KCTD8: variants seen among roughly 807,000 people sequenced by gnomAD.
KCTD8 encodes potassium channel tetramerization domain containing 8.
Under a neutral mutation model 31.5 loss-of-function variants are expected in KCTD8, and 27 were observed. The observed-to-expected ratio is 0.86, with a 90% CI of 0.63 to 1.18. The LOEUF is 1.18. KCTD8 is among the 50% of genes most tolerant of loss of function. KCTD8 has a pLI of 0.00. For synonymous variants in KCTD8, 290 were observed against 280.0 expected, an observed-to-expected ratio of 1.04 and a Z score of -0.36; for missense variants, 658 against 647.7, an observed-to-expected ratio of 1.02 and a Z score of -0.17.
chr4:44,192,387 T>C (rs1713790042), intron 1 of KCTD8, among the ~76,000 whole-genome samples: 1 of 151,408 alleles, frequency 6.6e-6, no homozygotes, highest in South Asian at 2.1e-4. Context: ...ATTACTGGCC[T>C]AGACTGAGCT....
intron 1 of KCTD8, among the ~76,000 whole-genome samples, chr4:44,218,778 A>C (rs1459857007): frequency 6.6e-6 from 1 of 152,090 alleles, no homozygotes; most frequent in Non-Finnish European, 1.5e-5. Context: ...TTATACAAGA[A>C]TTAGGGAAAC....
intron 1 of KCTD8, among the ~76,000 whole-genome samples, chr4:44,390,052 A>G (rs1306949059): frequency 6.6e-6 from 1 of 151,926 alleles, no homozygotes; most frequent in Non-Finnish European, 1.5e-5. Context: ...TGTCAGATGT[A>G]TAGATTGCAA....
intron 1 of KCTD8, among the ~76,000 whole-genome samples, chr4:44,341,361 A>G (rs1718892394): frequency 6.6e-6 from 1 of 152,166 alleles, no homozygotes; most frequent in African/African-American, 2.4e-5. Context: ...AAATACAACA[A>G]CAATGAAGAT....
chr4:44,224,159 A>G (rs1278449545), intron 1 of KCTD8, among the ~76,000 whole-genome samples: 1 of 152,228 alleles, frequency 6.6e-6, no homozygotes, highest in African/African-American at 2.4e-5. Context: ...TCCTTTGAAT[A>G]TATAACATCC....
intron 1 of KCTD8, among the ~76,000 whole-genome samples, chr4:44,425,400 T>A (rs1721321051): frequency 6.6e-6 from 1 of 152,064 alleles, no homozygotes; most frequent in African/African-American, 2.4e-5. Context: ...AGTGCTTACA[T>A]TAAAATTAAA....
At chr4:44,313,459 A>G (rs1476726855) in intron 1 of KCTD8, among the ~76,000 whole-genome samples, 1 of 152,134 alleles carries the variant, frequency 6.6e-6, no homozygotes, top group Non-Finnish European at 1.5e-5. Context: ...TGAATTTTCT[A>G]TTTTATTTAT....
chr4:44,261,663 A>G (rs1368313398), intron 1 of KCTD8, among the ~76,000 whole-genome samples: 1 of 151,990 alleles, frequency 6.6e-6, no homozygotes, highest in African/African-American at 2.4e-5. Context: ...TATAGATTCC[A>G]TAAATAAGTG....
intron 1 of KCTD8, among the ~76,000 whole-genome samples, chr4:44,239,644 G>A (rs1310756118): frequency 6.6e-6 from 1 of 152,132 alleles, no homozygotes; most frequent in Non-Finnish European, 1.5e-5. Context: ...CTTTGATGGA[G>A]AGAAAAAATC....
intron 1 of KCTD8, among the ~76,000 whole-genome samples, chr4:44,412,865 T>C (rs1421528704): frequency 6.6e-6 from 1 of 152,204 alleles, no homozygotes; most frequent in Non-Finnish European, 1.5e-5. Context: ...TTTGTGTAGA[T>C]AATCTGCAGT....
At chr4:44,270,492 GTAAC>G (rs1404404814) in intron 1 of KCTD8, among the ~76,000 whole-genome samples, 2 of 151,828 alleles carry the variant, frequency 1.3e-5, no homozygotes, top group Non-Finnish European at 2.9e-5. Flanking sequence ...ATATACATGT[GTAAC>G]TAACCTGCAC....
At chr4:44,440,280 T>C (rs1056249149) in intron 1 of KCTD8, among the ~76,000 whole-genome samples, 1 of 152,162 alleles carries the variant, frequency 6.6e-6, no homozygotes, top group Admixed American at 6.5e-5. Context: ...CACCTTTATG[T>C]GTGTGTTTCC....
At chr4:44,416,187 G>C (rs901800293) in intron 1 of KCTD8, among the ~76,000 whole-genome samples, 2 of 152,186 alleles carry the variant, frequency 1.3e-5, no homozygotes, top group Non-Finnish European at 2.9e-5. Context: ...GGAGCCTACT[G>C]TCTCTCTCTT....
intron 1 of KCTD8, among the ~76,000 whole-genome samples, chr4:44,223,949 C>A (rs1714877741): frequency 6.6e-6 from 1 of 152,146 alleles, no homozygotes; most frequent in South Asian, 2.1e-4. Flanking sequence ...TATTTATTAT[C>A]TGGCCCTTAA....
chr4:44,193,538 CT>C (rs1713828821), intron 1 of KCTD8, among the ~76,000 whole-genome samples: 1 of 151,882 alleles, frequency 6.6e-6, no homozygotes, highest in African/African-American at 2.4e-5. Context: ...AGATGCATAT[CT>C]GAACATTTGG....
intron 1 of KCTD8, among the ~76,000 whole-genome samples, chr4:44,424,583 A>G (rs537384582): frequency 2.0e-5 from 3 of 152,070 alleles, no homozygotes; most frequent in African/African-American, 2.4e-5. Flanking sequence ...TTTTCTCTCT[A>G]TAAGTCAGGT....
chr4:44,185,221 A>T (rs1211848833), intron 1 of KCTD8, among the ~76,000 whole-genome samples: 1 of 152,148 alleles, frequency 6.6e-6, no homozygotes, highest in Non-Finnish European at 1.5e-5. Context: ...CTTATTTTCA[A>T]ACACTTGTCA....
chr4:44,227,095 T>A (rs1270574059), intron 1 of KCTD8, among the ~76,000 whole-genome samples: 1 of 152,244 alleles, frequency 6.6e-6, no homozygotes, highest in African/African-American at 2.4e-5. Flanking sequence ...TTTGGTGTTT[T>A]AGTCATGAAG....
At chr4:44,253,418 T>C (rs1321764855) in intron 1 of KCTD8, among the ~76,000 whole-genome samples, 1 of 151,866 alleles carries the variant, frequency 6.6e-6, no homozygotes, top group African/African-American at 2.4e-5. Flanking sequence ...CCACAGATTC[T>C]TGTGGCTATC....
chr4:44,416,493 C>T lies in KCTD8; in HGVS notation c.961+31070G>A, dbSNP rs2109467573. Among the ~76,000 whole-genome samples, 3 of 152,208 alleles carry T rather than the reference C, an allele frequency of 2.0e-5. No homozygotes were observed. The South Asian group carries it at 6.2e-4, about 32-fold the overall frequency. ...AAATCTCATGTTGAAATGTAATCCC[C>T]AATGTTGGAGGCGGGACCTAGTGGT... On this transcript the variant is annotated intron_variant, in intron 1 of 1. Coordinates refer to ENST00000360029, the MANE Select transcript of KCTD8 (RefSeq NM_198353.3).
Sources: gnomAD v4.1 joint callset for allele counts (sites outside exome capture counted in the v4.1 genomes callset) on GRCh38, gnomAD v4.1.1 for gene constraint, MANE v1.5 for transcripts, NCBI Gene and HGNC (gene_info 2026-07-23, HGNC 2026-07-21) for gene names.